Variants in NUDT3 observed in about 807,000 individuals in gnomAD.
NUDT3 encodes nudix hydrolase 3.
A neutral mutation model predicts 23.6 loss-of-function variants in NUDT3; 9 were observed. The observed-to-expected ratio is 0.38, with a 90% CI of 0.23 to 0.66. The LOEUF (loss-of-function observed/expected upper bound fraction) is 0.66, where lower values mean the gene tolerates loss of function less well. Among genes scored for constraint, NUDT3 ranks in the 30% least tolerant of loss-of-function variants. The pLI is 0.52. For synonymous variants in NUDT3, 86 were observed against 82.6 expected (o/e 1.04, Z -0.22); for missense variants, 172 against 218.5 (o/e 0.79, Z 1.34).
chr6:34,321,837 G>A (rs1763946798), intron 2 of NUDT3, among the ~76,000 whole-genome samples: 1 of 152,206 alleles, frequency 6.6e-6, no homozygotes, highest in Non-Finnish European at 1.5e-5. Flanking sequence ...AACCTGGGCT[G>A]TTCAAAACGG....
chr6:34,367,891 G>C (rs1294399112), intron 1 of NUDT3, among the ~76,000 whole-genome samples: 1 of 152,168 alleles, frequency 6.6e-6, no homozygotes, highest in Non-Finnish European at 1.5e-5. Flanking sequence ...AGGACTGCCA[G>C]AAGAATGGAG....
Position 34,392,475 on chromosome 6 carries a change from G to C in NUDT3, c.-113C>G, listed in dbSNP as rs868131400. On this transcript the variant is annotated 5_prime_UTR_variant, in exon 1 of 5. Transcript: ENST00000607016. ...CCGGCTCGGCCAAGGGAAGCAGGGA[G>C]GGGGAGCTTCTCCGCTACACGGCTC... 2.1e-4 allele frequency: 142 copies of C among 674,234 alleles called. 1 individual carries two copies. The African/African-American group carries it at 2.3e-3, about 11-fold the overall frequency. 41.8% of individuals were successfully genotyped at this position (674,234 alleles called of 1,614,324 possible). A position where few individuals can be genotyped will look rare whatever the true frequency, so the allele number is the denominator to read the frequency against.
intron 4 of NUDT3, among the ~76,000 whole-genome samples, chr6:34,291,302 C>G (rs1408241550): frequency 6.6e-6 from 1 of 151,832 alleles, no homozygotes; most frequent in Non-Finnish European, 1.5e-5. Flanking sequence ...AAACGTTCCC[C>G]GTTTTTTCTT....
intron 1 of NUDT3, among the ~76,000 whole-genome samples, chr6:34,381,162 G>A (rs957139253): frequency 3.9e-5 from 6 of 151,992 alleles, no homozygotes; most frequent in African/African-American, 1.5e-4. Flanking sequence ...GACCACAGGC[G>A]CACACCACCA....
At chr6:34,356,833 A>C (rs1445864403) in intron 1 of NUDT3, among the ~76,000 whole-genome samples, 1 of 152,022 alleles carries the variant, frequency 6.6e-6, no homozygotes, top group Non-Finnish European at 1.5e-5. Flanking sequence ...GCTGGAGTGC[A>C]GTGGCGCAAT....
intron 2 of NUDT3, among the ~76,000 whole-genome samples, chr6:34,299,526 G>A (rs898592789): frequency 2.0e-5 from 3 of 151,948 alleles, no homozygotes; most frequent in Admixed American, 6.6e-5. Context: ...CTGGGCTCAA[G>A]TGATCCTCCT....
chr6:34,304,251 C>CAAA (rs60576919), intron 2 of NUDT3, among the ~76,000 whole-genome samples: 1 of 81,190 alleles, frequency 1.2e-5, no homozygotes, highest in Admixed American at 1.4e-4. Context: ...AACTCTGTCT[C>CAAA]AAAAAAAAAA....
At chr6:34,365,303 C>T (rs1764710050) in intron 1 of NUDT3, among the ~76,000 whole-genome samples, 1 of 151,530 alleles carries the variant, frequency 6.6e-6, no homozygotes. Context: ...GGTGGCAGGA[C>T]CTGTAGTCCT....
intron 1 of NUDT3, among the ~76,000 whole-genome samples, chr6:34,368,801 G>A (rs1764782757): frequency 6.6e-6 from 1 of 152,104 alleles, no homozygotes; most frequent in Non-Finnish European, 1.5e-5. Context: ...ACCACACCTG[G>A]CTCATTTTTT....
intron 2 of NUDT3, among the ~76,000 whole-genome samples, chr6:34,299,779 C>T (rs116128469): frequency 0.096 from 14,513 of 151,110 alleles, 792 homozygotes; most frequent in Non-Finnish European, 0.12. Flanking sequence ...GGTGGGTGCC[C>T]ATAATCCCAG....
intron 1 of NUDT3, among the ~76,000 whole-genome samples, chr6:34,351,198 T>TTAAAAAAAAAA (rs1764462307): frequency 1.7e-4 from 3 of 17,892 alleles, no homozygotes; most frequent in Non-Finnish European, 1.1e-4. Context: ...CTCCCCTGCC[T>TTAAAAAAAAAA]AAAAAAAAAA....
At chr6:34,320,389 G>A (rs1430942317) in intron 2 of NUDT3, among the ~76,000 whole-genome samples, 1 of 152,080 alleles carries the variant, frequency 6.6e-6, no homozygotes, top group East Asian at 1.9e-4. Context: ...ACCACGCCCA[G>A]CTGATTTTTG....
chr6:34,293,656 C>T, intron 3 of NUDT3, 121 bp from the exon 4 acceptor site: 2 of 1,148,424 alleles, frequency 1.7e-6, no homozygotes, highest in South Asian at 3.0e-5. Flanking sequence ...TAAACTTTTA[C>T]TTTTTATGGT....
At chr6:34,370,701 C>A (rs973563810) in intron 1 of NUDT3, among the ~76,000 whole-genome samples, 9 of 152,132 alleles carry the variant, frequency 5.9e-5, no homozygotes, top group African/African-American at 2.2e-4. Flanking sequence ...AGTCCAGCAC[C>A]TCTGGGTGAA....
rs1005820585 is a variant in NUDT3, at chr6:34,285,973, A to C, written c.*2780T>G. The C allele has an allele frequency of 2.6e-5, 4 of 152,232 alleles. No homozygotes were observed. The highest frequency in any genetic ancestry group is 7.2e-5 in the African/African-American group (3 of 41,446). The allele number at this position is 152,232 out of a possible 1,614,324, so 9.4% of individuals were successfully genotyped here. Reference sequence around the variant, plus strand: ...TTCCTGACCCAAAGACACCAACAACAATCAAAACTGCACTTTCAGGGTAGT... The same window carrying C: ...TTCCTGACCCAAAGACACCAACAACCATCAAAACTGCACTTTCAGGGTAGT... On this transcript the variant is annotated 3_prime_UTR_variant, in exon 5 of 5. Coordinates refer to ENST00000607016, the MANE Select transcript of NUDT3 (RefSeq NM_006703.4).
At chr6:34,347,781 A>G (rs1211981134) in intron 1 of NUDT3, among the ~76,000 whole-genome samples, 1 of 152,114 alleles carries the variant, frequency 6.6e-6, no homozygotes, top group Non-Finnish European at 1.5e-5. Context: ...CCAAAAAAAG[A>G]GTAATTATAC....
rs60517827 is a variant in NUDT3 at position 34,297,759 on chromosome 6, A to ATATAT, written c.211-2075_211-2074insATATA. Among the ~76,000 whole-genome samples the ATATAT allele has an allele frequency of 7.2e-3, 509 of 70,944 alleles. 12 individuals carry two copies. Among genetic ancestry groups the ATATAT allele is most frequent in the African/African-American group, 0.023 (353 of 15,064 alleles). 46.5% of individuals were successfully genotyped at this position (70,944 alleles called of 152,430 possible). ...TATATATATATATATATATATATATAATTTTTTTTTTTTTTTTAGTAGAGA... is the reference window on the plus strand; with the variant it reads ...TATATATATATATATATATATATATATATATATTTTTTTTTTTTTTTTAGTAGAGA... On this transcript the variant is annotated intron_variant, in intron 2 of 4. Coordinates refer to ENST00000607016, the MANE Select transcript of NUDT3 (RefSeq NM_006703.4).
At chr6:34,359,352 G>T (rs1182796387) in intron 1 of NUDT3, among the ~76,000 whole-genome samples, 1 of 152,050 alleles carries the variant, frequency 6.6e-6, no homozygotes, top group East Asian at 1.9e-4. Flanking sequence ...CAGCCTGGGG[G>T]ACAAGAGCAA....
chr6:34,299,900 C>CA (rs527665276), intron 2 of NUDT3, among the ~76,000 whole-genome samples: 1,573 of 133,342 alleles, frequency 0.012, 20 homozygotes, highest in African/African-American at 0.031. Context: ...GAGACTGTCT[C>CA]AAAAAAAAAA....
Sources: gnomAD v4.1 joint callset for allele counts (sites outside exome capture counted in the v4.1 genomes callset) on GRCh38, gnomAD v4.1.1 for gene constraint, MANE v1.5 for transcripts, NCBI Gene and HGNC (gene_info 2026-07-23, HGNC 2026-07-21) for gene names.